TJP1: variants seen among roughly 807,000 people sequenced by gnomAD.
TJP1 encodes tight junction protein 1, also known as tight junction protein ZO-1.
In TJP1, 43 loss-of-function variants were observed where a neutral mutation model predicts 194.2. The observed-to-expected ratio is 0.22, with a 90% CI of 0.17 to 0.29. TJP1 has a LOEUF of 0.29. TJP1 is among the 10% of genes least tolerant of loss of function. The pLI, the probability that TJP1 is intolerant of heterozygous loss-of-function variation, is 1.00. For synonymous variants in TJP1, 801 were observed against 779.0 expected (o/e 1.03, Z -0.47); for missense variants, 1,971 against 2,185.7 (o/e 0.90, Z 1.96).
chr15:29,940,814 C>T (rs1254284812), intron 2 of TJP1, among the ~76,000 whole-genome samples: 1 of 152,086 alleles, frequency 6.6e-6, no homozygotes, highest in East Asian at 1.9e-4. Context: ...TATTTTTCAA[C>T]CTCCTCTGGC....
intron 2 of TJP1, among the ~76,000 whole-genome samples, chr15:29,854,749 A>G (rs185641441): frequency 9.5e-4 from 145 of 152,316 alleles, no homozygotes; most frequent in African/African-American, 3.3e-3. Flanking sequence ...CCTGCCAATC[A>G]AAGCAACAAA....
chr15:29,750,989 T>C (rs1337484318), intron 8 of TJP1, among the ~76,000 whole-genome samples: 1 of 152,210 alleles, frequency 6.6e-6, no homozygotes, highest in African/African-American at 2.4e-5. Flanking sequence ...GAAGGCTCTA[T>C]TGCAAAAAGA....
chr15:29,885,804 T>A (rs1321327698), intron 2 of TJP1, among the ~76,000 whole-genome samples: 1 of 152,218 alleles, frequency 6.6e-6, no homozygotes, highest in Non-Finnish European at 1.5e-5. Context: ...ATATGATGTT[T>A]TATCTGTTTT....
chr15:29,820,651 A>G (rs768719733), intron 1 of TJP1: 43 of 697,110 alleles, frequency 6.2e-5, no homozygotes, highest in Admixed American at 2.1e-4. Flanking sequence ...CATTCTGTGT[A>G]ATACGGAAAC....
At chr15:29,912,686 A>T (rs1236799711) in intron 2 of TJP1, among the ~76,000 whole-genome samples, 1 of 118,210 alleles carries the variant, frequency 8.5e-6, no homozygotes, top group East Asian at 2.7e-4. Context: ...ACAGAGCAAG[A>T]CTCTGTCTCA....
intron 2 of TJP1, among the ~76,000 whole-genome samples, chr15:29,937,829 C>G (rs192280080): frequency 6.6e-6 from 1 of 152,276 alleles, no homozygotes; most frequent in Admixed American, 6.5e-5. Context: ...TGGAAAAGTA[C>G]AAAGGCAAGC....
At chr15:29,785,212 T>C (rs1460762933) in intron 2 of TJP1, among the ~76,000 whole-genome samples, 1 of 152,190 alleles carries the variant, frequency 6.6e-6, no homozygotes, top group Non-Finnish European at 1.5e-5. Flanking sequence ...TTTGAAACCT[T>C]AAGCAACCAT....
chr15:29,725,773 AT>A (rs2043202783), intron 18 of TJP1, among the ~76,000 whole-genome samples: 1 of 152,230 alleles, frequency 6.6e-6, no homozygotes, highest in South Asian at 2.1e-4. Flanking sequence ...GCTTTGTTCA[AT>A]ATCTCCCAGT....
At chr15:29,709,173 G>T (rs2042089373) in intron 24 of TJP1, 137 bp from the exon 25 acceptor site, 5 of 768,926 alleles carry the variant, frequency 6.5e-6, no homozygotes, top group Non-Finnish European at 8.3e-6. Context: ...TTGAGCCCTG[G>T]AGGCTAGGTG....
chr15:29,779,277 C>T (rs139256827), intron 2 of TJP1, among the ~76,000 whole-genome samples: 138 of 152,260 alleles, frequency 9.1e-4, no homozygotes, highest in African/African-American at 2.5e-3. Flanking sequence ...CATGGTGATA[C>T]TGCCATTTTT....
intron 8 of TJP1, among the ~76,000 whole-genome samples, chr15:29,749,368 A>G (rs1452095530): frequency 2.0e-5 from 3 of 152,188 alleles, no homozygotes; most frequent in Non-Finnish European, 4.4e-5. Flanking sequence ...AGTGTAGCCG[A>G]TTAATACACA....
intron 2 of TJP1, among the ~76,000 whole-genome samples, chr15:29,794,192 A>C (rs780514474): frequency 2.6e-5 from 4 of 152,286 alleles, no homozygotes; most frequent in South Asian, 2.1e-4. Context: ...AACAAAAAAC[A>C]ACCAAAAAAC....
intron 8 of TJP1, among the ~76,000 whole-genome samples, chr15:29,743,902 C>T (rs970558146): frequency 1.3e-5 from 2 of 152,266 alleles, no homozygotes; most frequent in East Asian, 1.9e-4. Flanking sequence ...TATTATCGGC[C>T]GGGCACAGTA....
At chr15:29,760,401 A>G in intron 8 of TJP1, 1 of 610,400 alleles carries the variant, frequency 1.6e-6, no homozygotes, top group South Asian at 1.9e-5. Context: ...TTTGAGAAAG[A>G]GTTCCGCTCT....
At chr15:29,834,226 ATT>A (rs879783769) in intron 2 of TJP1, among the ~76,000 whole-genome samples, 35 of 123,996 alleles carry the variant, frequency 2.8e-4, no homozygotes, top group African/African-American at 9.4e-4. Context: ...GTAAATAGGG[ATT>A]TTTTTTTTTT....
intron 2 of TJP1, among the ~76,000 whole-genome samples, chr15:29,878,939 A>G (rs1015456897): frequency 2.6e-5 from 4 of 152,102 alleles, no homozygotes; most frequent in African/African-American, 4.8e-5. Flanking sequence ...GCTGGCCAAC[A>G]TGGTGAAACC....
At position 29,718,380 on chromosome 15, in the gene TJP1, C is replaced by G. The variant is rs770317016; in HGVS notation, c.3762G>C (p.Glu1254Asp). The change falls in exon 21 of 28, where the codon GAG (glutamate) becomes GAC (aspartate). Residue 1254 changes from glutamate to aspartate, a missense_variant. Glu to Asp is a conservative substitution (Grantham distance 45). Around this residue, in one of 5 missense-constraint regions of TJP1, gnomAD observed 1,108 missense variants for 1,128.5 expected, o/e 0.98. Transcript: ENST00000614355. ...ACTGTGGCTTCATTGCTGGATCTTC[C>G]TCTTCTTCGGTTTGAGTTGGGGGTG... ...LPPPPTQTEE[E>D]EDPAMKPQSV... 4 of 1,614,090 alleles carry G rather than the reference C, an allele frequency of 2.5e-6. No individual in the cohort carries two copies. In the Admixed American group the frequency reaches 6.7e-5, roughly 27 times the overall value.
At chr15:29,817,261 G>A (rs1303290761) in intron 1 of TJP1, among the ~76,000 whole-genome samples, 1 of 152,154 alleles carries the variant, frequency 6.6e-6, no homozygotes, top group African/African-American at 2.4e-5. Flanking sequence ...TTAGAGAAAT[G>A]CAAATCAAAA....
chr15:29,869,714 C>T (rs996660712), intron 2 of TJP1, among the ~76,000 whole-genome samples: 8 of 151,874 alleles, frequency 5.3e-5, no homozygotes, highest in Non-Finnish European at 1.2e-4. Context: ...TTCCACCTGC[C>T]AAGGGTCTGT....
Sources: allele counts gnomAD v4.1 joint callset (sites outside exome capture counted in the v4.1 genomes callset), GRCh38; gene constraint gnomAD v4.1.1; regional missense constraint gnomAD v4.1.1; transcripts MANE v1.5; gene names NCBI Gene and HGNC (gene_info 2026-07-23, HGNC 2026-07-21).